VAV2: variants seen among roughly 807,000 people sequenced by gnomAD.
VAV2 encodes vav guanine nucleotide exchange factor 2.
In VAV2, 67 loss-of-function variants were observed where a neutral mutation model predicts 132.5. The ratio of observed to expected loss-of-function variants is 0.51; its 90% CI spans 0.42 to 0.62. VAV2 has a LOEUF of 0.62. Ranked by LOEUF, VAV2 falls within the 20% of genes least tolerant of loss-of-function variation. VAV2 has a pLI of 0.00. For synonymous variants in VAV2, 492 were observed against 443.5 expected, an observed-to-expected ratio of 1.11 and a Z score of -1.37; for missense variants, 938 against 1,153.6, an observed-to-expected ratio of 0.81 and a Z score of 2.71.
Position 133,769,445 on chromosome 9 carries a change from A to G in VAV2, c.2406T>C (p.Ser802=). ...ACCAGAAGGGAGCGGAGGGGCCCTG[A>G]GAAGCAAAGCTGAGGCCCTGAGGAC... is the stretch of plus-strand genomic sequence containing the variant. ...FLSPQGLSFA[S]QGPSAPFWSV... is the part of the protein sequence containing the mutation. The change falls in exon 28 of 30, where the codon TCT becomes TCC. Residue 802 remains serine (S), a synonymous_variant. Transcript: ENST00000371850. The surrounding 1 kb of genome is among the most constrained non-coding windows in gnomAD (Gnocchi z 8.1). The G allele has an allele frequency of 6.2e-7, 1 of 1,613,220 alleles. No homozygotes were observed. The highest frequency in any genetic ancestry group is 2.2e-5 in the East Asian group (1 of 44,870).
intron 2 of VAV2, among the ~76,000 whole-genome samples, chr9:133,875,496 T>C (rs2131917009): frequency 6.6e-6 from 1 of 152,306 alleles, no homozygotes; most frequent in East Asian, 1.9e-4. Flanking sequence ...TCAGAGAGTC[T>C]GAGCAGCTCG....
At chr9:133,948,339 C>T (rs1201259507) in intron 1 of VAV2, among the ~76,000 whole-genome samples, 2 of 152,246 alleles carry the variant, frequency 1.3e-5, no homozygotes, top group South Asian at 2.1e-4. Context: ...CCCGCCTTTG[C>T]GCATGGCCTC....
At chr9:133,980,940 A>T (rs1842672821) in intron 1 of VAV2, among the ~76,000 whole-genome samples, 2 of 152,186 alleles carry the variant, frequency 1.3e-5, no homozygotes, top group Non-Finnish European at 2.9e-5. Flanking sequence ...TTTTCAGGGC[A>T]TCTCAAGTAC....
At chr9:133,930,228 C>T (rs1448597296) in intron 2 of VAV2, among the ~76,000 whole-genome samples, 1 of 152,196 alleles carries the variant, frequency 6.6e-6, no homozygotes, top group Non-Finnish European at 1.5e-5. Flanking sequence ...GGCCTCCTCT[C>T]TGCCTCCCGG....
chr9:133,949,669 C>T (rs927176949), intron 1 of VAV2, among the ~76,000 whole-genome samples: 21 of 152,332 alleles, frequency 1.4e-4, no homozygotes, highest in Middle Eastern at 6.8e-3. Flanking sequence ...GAGGGCCCAG[C>T]CAGCTGTCTC....
rs1176144053 is a variant in VAV2, at chr9:133,802,526, C to T, written c.836+3555G>A. Among the ~76,000 whole-genome samples, 1 of 152,092 alleles carries T rather than the reference C, an allele frequency of 6.6e-6. No homozygotes were observed. The highest frequency in any genetic ancestry group is 1.5e-5 in the Non-Finnish European group (1 of 68,012). On this transcript the variant is annotated intron_variant, in intron 9 of 29. Transcript: ENST00000371850. This position sits in a 1 kb window ranked among gnomAD's most constrained non-coding sequence, Gnocchi z 5.8. ...CTCAGTGTGGTCACCTTGCAAGGCA[C>T]GGCCCGCCGTGTCCAGCATCCTGCC... is the stretch of plus-strand genomic sequence containing the variant.
chr9:133,956,979 AG>A (rs1263010836), intron 1 of VAV2, among the ~76,000 whole-genome samples: 1 of 152,196 alleles, frequency 6.6e-6, no homozygotes, highest in African/African-American at 2.4e-5. Flanking sequence ...AGTCACAAAA[AG>A]GGCAGACTGC....
intron 1 of VAV2, 166 bp from the exon 2 acceptor site, chr9:133,939,385 C>T (rs759904896): frequency 7.3e-5 from 50 of 683,564 alleles, no homozygotes; most frequent in Non-Finnish European, 1.2e-4. Context: ...ATGACGAAAC[C>T]CCCCGTCCCA....
In VAV2 at chr9:133,794,216, A is replaced by G. The variant is rs1359048690; in HGVS notation, c.1101+1452T>C. Among the ~76,000 whole-genome samples the G allele has an allele frequency of 2.0e-5, 3 of 152,092 alleles. No homozygotes were observed. The highest frequency in any genetic ancestry group is 2.9e-5 in the Non-Finnish European group (2 of 67,998). On this transcript the variant is annotated intron_variant, in intron 12 of 29. Transcript: ENST00000371850. The surrounding 1 kb of genome is among the most constrained non-coding windows in gnomAD (Gnocchi z 4.6). ...CGCTGGCTCACACACCGTGGCTCAC[A>G]GCAGACAGGCCAGAGCAGGTGTTGG...
At chr9:133,911,408 T>C (rs1826290764) in intron 2 of VAV2, among the ~76,000 whole-genome samples, 1 of 152,168 alleles carries the variant, frequency 6.6e-6, no homozygotes, top group South Asian at 2.1e-4. Flanking sequence ...TGCATTGAAT[T>C]TACCAGACCT....
chr9:133,831,015 G>T (rs1836239962), intron 4 of VAV2, among the ~76,000 whole-genome samples: 2 of 152,148 alleles, frequency 1.3e-5, no homozygotes, highest in Non-Finnish European at 2.9e-5. Flanking sequence ...TTAATGTCAG[G>T]GAATAACATT....
At chr9:133,784,272 T>C (rs372053379) in intron 18 of VAV2, 45 bp downstream of exon 18, 5 of 1,586,964 alleles carry the variant, frequency 3.2e-6, no homozygotes, top group African/African-American at 1.3e-5. Flanking sequence ...GGGCCTGGGC[T>C]GGGCGTGGAG....
chr9:133,810,675 C>T (rs1835325956), intron 5 of VAV2, among the ~76,000 whole-genome samples: 1 of 152,202 alleles, frequency 6.6e-6, no homozygotes, highest in South Asian at 2.1e-4. Flanking sequence ...AGCGCTGTTC[C>T]CCAGCCTGGC....
intron 3 of VAV2, among the ~76,000 whole-genome samples, chr9:133,839,428 A>G (rs948271927): frequency 6.6e-5 from 10 of 150,852 alleles, no homozygotes; most frequent in Non-Finnish European, 1.3e-4. Context: ...CTGAAATGGC[A>G]GCCTCAAATT....
chr9:133,954,891 T>A lies in VAV2; in HGVS notation c.205-15672A>T, dbSNP rs143598029. On this transcript the variant is annotated intron_variant, in intron 1 of 29. Coordinates refer to ENST00000371850, the MANE Select transcript of VAV2 (RefSeq NM_001134398.2). ...ATCTGCAGGAGGGCAAGGACCGAGA[T>A]AAATCATTCTGAACTCCAAACAGGT... 3.2e-3 allele frequency among the ~76,000 whole-genome samples: 491 copies of A among 152,298 alleles called. 3 individuals carry two copies. The highest frequency in any genetic ancestry group is 0.02 in the Middle Eastern group (6 of 294).
Position 133,992,006 on chromosome 9 carries a change from C to T in VAV2, c.204+69G>A. On this transcript the variant is annotated intron_variant, in intron 1 of 29. Transcript: ENST00000371850. This position sits in a 1 kb window ranked among gnomAD's most constrained non-coding sequence, Gnocchi z 5.5. Reference sequence around the variant, plus strand: ...TGGGCCGCCGCCGCTGCGACCTCCGCGTTCAGTCCGCGCGTCGGGCAGCGC... The same window carrying T: ...TGGGCCGCCGCCGCTGCGACCTCCGTGTTCAGTCCGCGCGTCGGGCAGCGC... 1.5e-6 allele frequency: 2 copies of T among 1,312,986 alleles called. No individual in the cohort carries two copies. The highest frequency in any genetic ancestry group is 1.8e-5 in the South Asian group (1 of 54,286). 81.3% of individuals were successfully genotyped at this position (1,312,986 alleles called of 1,614,324 possible).
At chr9:133,880,078 G>A (rs1480419530) in intron 2 of VAV2, among the ~76,000 whole-genome samples, 1 of 152,254 alleles carries the variant, frequency 6.6e-6, no homozygotes, top group Non-Finnish European at 1.5e-5. Context: ...AAGAAGAGAC[G>A]CTGCATGGGG....
intron 11 of VAV2, 151 bp from the exon 12 acceptor site, chr9:133,795,887 A>G: frequency 1.4e-6 from 1 of 739,694 alleles, no homozygotes; most frequent in Non-Finnish European, 2.2e-6. Context: ...GCTGCCCGAC[A>G]CCAAAGGACA....
chr9:133,832,923 C>T (rs561460341), intron 4 of VAV2, among the ~76,000 whole-genome samples: 401 of 152,176 alleles, frequency 2.6e-3, no homozygotes, highest in Non-Finnish European at 4.3e-3. Flanking sequence ...TCCAGGTGGG[C>T]GCCCCAGGCC....
Sources: gnomAD v4.1 joint callset for allele counts (sites outside exome capture counted in the v4.1 genomes callset) on GRCh38, gnomAD v4.1.1 for gene constraint, Gnocchi (gnomAD v3.1) non-coding constraint, MANE v1.5 for transcripts, NCBI Gene and HGNC (gene_info 2026-07-23, HGNC 2026-07-21) for gene names.